The following FABP6 variants were observed in gnomAD, a reference collection of about 807,000 sequenced individuals.
FABP6 encodes the protein gastrotropin.
Under a neutral mutation model 14.9 loss-of-function variants are expected in FABP6, and 13 were observed. The ratio of observed to expected loss-of-function variants is 0.87; its 90% CI spans 0.57 to 1.39. FABP6 has a LOEUF of 1.39. Ranked by LOEUF, FABP6 falls within the 40% of genes most tolerant of loss-of-function variation. The pLI is 0.00. For synonymous variants in FABP6, 75 were observed against 63.6 expected (o/e 1.18, Z -0.85); for missense variants, 161 against 167.2 (o/e 0.96, Z 0.20).
intron 2 of FABP6, among the ~76,000 whole-genome samples, chr5:160,212,705 G>C (rs1336317660): frequency 6.6e-6 from 1 of 152,042 alleles, no homozygotes; most frequent in Non-Finnish European, 1.5e-5. Context: ...TCCTGACCTT[G>C]TGAGCCGCCT....
At chr5:160,216,899 G>C (rs1237203031) in intron 3 of FABP6, among the ~76,000 whole-genome samples, 1 of 152,148 alleles carries the variant, frequency 6.6e-6, no homozygotes, top group African/African-American at 2.4e-5. Context: ...ACCCTGATTG[G>C]TTCTGAAGGC....
chr5:160,233,076 G>A (rs1401267671), intron 2 of FABP6, among the ~76,000 whole-genome samples: 2 of 150,252 alleles, frequency 1.3e-5, no homozygotes. Flanking sequence ...CTGCCTCCTG[G>A]GTTCAAGCGA....
intron 2 of FABP6, among the ~76,000 whole-genome samples, chr5:160,201,023 G>T (rs1016553615): frequency 2.0e-5 from 3 of 152,106 alleles, no homozygotes; most frequent in Admixed American, 1.3e-4. Flanking sequence ...ACATATTTGC[G>T]TGCATTTATA....
chr5:160,227,761 TCTCACTTGCTCTGA>T (rs1760280310), upstream of FABP6, among the ~76,000 whole-genome samples: 1 of 151,848 alleles, frequency 6.6e-6, no homozygotes, highest in African/African-American at 2.4e-5. Flanking sequence ...CTGACAGGAC[TCTCACTTGCTCTGA>T]ATTATTTGAA....
At chr5:160,188,609 C>T (rs1319107255) in intron 1 of FABP6, among the ~76,000 whole-genome samples, 1 of 152,220 alleles carries the variant, frequency 6.6e-6, no homozygotes, top group Non-Finnish European at 1.5e-5. Context: ...AGACCCCAGG[C>T]CCGGAGGTGT....
chr5:160,217,183 G>C (rs1760029008), intron 3 of FABP6, among the ~76,000 whole-genome samples: 1 of 152,152 alleles, frequency 6.6e-6, no homozygotes, highest in South Asian at 2.1e-4. Context: ...CTCCATGGGG[G>C]CAGCAAGTTT....
intron 3 of FABP6, among the ~76,000 whole-genome samples, chr5:160,236,003 C>T (rs1057105520): frequency 6.6e-6 from 1 of 150,800 alleles, no homozygotes; most frequent in Non-Finnish European, 1.5e-5. Context: ...GAGACGTCAT[C>T]TCTCTCATGT....
intron 2 of FABP6, among the ~76,000 whole-genome samples, chr5:160,232,749 T>C (rs1361173456): frequency 6.6e-6 from 1 of 151,560 alleles, no homozygotes; most frequent in Non-Finnish European, 1.5e-5. Context: ...ATACAAAAAT[T>C]AGCTGGACAT....
intron 1 of FABP6, among the ~76,000 whole-genome samples, chr5:160,192,288 A>G (rs761066235): frequency 6.6e-6 from 1 of 152,024 alleles, no homozygotes; most frequent in South Asian, 2.1e-4. Flanking sequence ...CAGCCTCCCA[A>G]GTGGCTGATA....
At chr5:160,214,262 CAA>C (rs1200916475) in intron 3 of FABP6, among the ~76,000 whole-genome samples, 1 of 151,974 alleles carries the variant, frequency 6.6e-6, no homozygotes, top group Admixed American at 6.6e-5. Flanking sequence ...CTCCTAGGCT[CAA>C]GTGATCCTCC....
At chr5:160,205,672 C>T (rs1019200842) in intron 2 of FABP6, among the ~76,000 whole-genome samples, 2 of 152,214 alleles carry the variant, frequency 1.3e-5, no homozygotes, top group African/African-American at 4.8e-5. Context: ...TGGCTTGGGG[C>T]TTCTGTGAAA....
At chr5:160,223,690 G>A (rs916678756) in intron 3 of FABP6, among the ~76,000 whole-genome samples, 11 of 151,616 alleles carry the variant, frequency 7.3e-5, no homozygotes, top group African/African-American at 2.4e-4. Context: ...GCCTCCTATA[G>A]TGCTGGGATT....
chr5:160,236,016 G>GTTT (rs370153866), intron 3 of FABP6, among the ~76,000 whole-genome samples: 3 of 126,866 alleles, frequency 2.4e-5, no homozygotes, highest in Admixed American at 8.2e-5. Context: ...TCTCATGTCT[G>GTTT]TTTTTTTTTT....
At chr5:160,200,375 A>G (rs1759609687) in intron 2 of FABP6, among the ~76,000 whole-genome samples, 1 of 151,372 alleles carries the variant, frequency 6.6e-6, no homozygotes, top group Admixed American at 6.6e-5. Flanking sequence ...GCTGCAGGGA[A>G]CAGCAGAGGA....
At chr5:160,188,402 C>T (rs1753000619) in intron 1 of FABP6, among the ~76,000 whole-genome samples, 1 of 138,118 alleles carries the variant, frequency 7.2e-6, no homozygotes, top group Admixed American at 7.3e-5. Context: ...TGGCTGAGGG[C>T]GGACTCTTGG....
intron 2 of FABP6, among the ~76,000 whole-genome samples, chr5:160,200,024 A>C (rs1759602919): frequency 6.6e-6 from 1 of 152,222 alleles, no homozygotes; most frequent in Non-Finnish European, 1.5e-5. Context: ...GCTTAGGCAG[A>C]GTCTGGCTGC....
At chr5:160,187,944 G>A (rs1441829689) in intron 1 of FABP6, among the ~76,000 whole-genome samples, 1 of 151,934 alleles carries the variant, frequency 6.6e-6, no homozygotes, top group Non-Finnish European at 1.5e-5. Flanking sequence ...TAGAGGCAGG[G>A]TTTCTCCATG....
chr5:160,206,081 C>T (rs1056152071), intron 2 of FABP6, among the ~76,000 whole-genome samples: 1 of 152,002 alleles, frequency 6.6e-6, no homozygotes, highest in Non-Finnish European at 1.5e-5. Flanking sequence ...ATATAAACAA[C>T]TAGAGCCATA....
At chr5:160,193,740 G>C (rs943497546) in intron 1 of FABP6, among the ~76,000 whole-genome samples, 1 of 152,170 alleles carries the variant, frequency 6.6e-6, no homozygotes, top group Non-Finnish European at 1.5e-5. Context: ...CCTTGAGCTA[G>C]ATAGAGAGTG....
Sources: gnomAD v4.1 joint callset for allele counts (sites outside exome capture counted in the v4.1 genomes callset) on GRCh38, gnomAD v4.1.1 for gene constraint, MANE v1.5 for transcripts, NCBI Gene and HGNC (gene_info 2026-07-23, HGNC 2026-07-21) for gene names.